Variants in MOBP observed in about 807,000 individuals in gnomAD.
The protein encoded by MOBP is myelin-associated oligodendrocyte basic protein.
A neutral mutation model predicts 15.0 loss-of-function variants in MOBP; 5 were observed. The observed-to-expected ratio is 0.33, with a 90% confidence interval of 0.17 to 0.70. The LOEUF (loss-of-function observed/expected upper bound fraction) is 0.70, where lower values mean the gene tolerates loss of function less well. MOBP is among the 30% of genes least tolerant of loss of function. The pLI is 0.67. For missense variants in MOBP, 188 were observed against 257.8 expected (o/e 0.73, Z 1.85); for synonymous variants, 88 against 99.0 (o/e 0.89, Z 0.66).
intron 2 of MOBP, among the ~76,000 whole-genome samples, chr3:39,487,130 A>T (rs937412479): frequency 1.3e-5 from 2 of 151,342 alleles, no homozygotes; most frequent in African/African-American, 4.9e-5. Flanking sequence ...AAATGTAGGG[A>T]TAGTCTTGCT....
chr3:39,467,888 G>A (rs1255389039), intron 1 of MOBP, 148 bp downstream of exon 1: 2 of 152,210 alleles, frequency 1.3e-5, no homozygotes, highest in Admixed American at 6.5e-5. Flanking sequence ...ATACAAGGAT[G>A]GAGAAAACAA....
At chr3:39,517,231 ACTT>A (rs147190668), downstream of MOBP, among the ~76,000 whole-genome samples, 1,158 of 152,210 alleles carry the variant, frequency 7.6e-3, 5 homozygotes, top group East Asian at 0.035. Context: ...TGATAAAATA[ACTT>A]CTTCTTGTTG....
chr3:39,501,425 A>T (rs1177377146), intron 2 of MOBP, among the ~76,000 whole-genome samples: 2 of 152,208 alleles, frequency 1.3e-5, no homozygotes, highest in African/African-American at 4.8e-5. Flanking sequence ...AGTCTCCAGC[A>T]AGCTCCCCTG....
chr3:39,468,775 TAC>T (rs1452309463), intron 1 of MOBP, among the ~76,000 whole-genome samples: 1 of 115,656 alleles, frequency 8.6e-6, no homozygotes. Context: ...TGTGTATATA[TAC>T]ATATATACAT....
At chr3:39,527,630 T>G (rs572613616), downstream of MOBP, 5 of 152,254 alleles carry the variant, frequency 3.3e-5, no homozygotes, top group African/African-American at 1.2e-4. Flanking sequence ...GCTAATTCTT[T>G]GTATTTTTAG....
chr3:39,516,757 C>T (rs936062763), downstream of MOBP, among the ~76,000 whole-genome samples: 3 of 152,178 alleles, frequency 2.0e-5, no homozygotes, highest in Admixed American at 6.5e-5. Context: ...CAGATCTAAA[C>T]TTGAGGCTCA....
intron 3 of MOBP, among the ~76,000 whole-genome samples, chr3:39,522,707 CTT>C (rs1299661224): frequency 1.3e-5 from 2 of 152,172 alleles, no homozygotes; most frequent in Admixed American, 6.5e-5. Context: ...ATCTCATTCT[CTT>C]TCTTAAGATG....
At chr3:39,518,488 G>T (rs2043228274), downstream of MOBP, among the ~76,000 whole-genome samples, 3 of 152,142 alleles carry the variant, frequency 2.0e-5, no homozygotes, top group Admixed American at 2.0e-4. Flanking sequence ...AAGATGGGAA[G>T]TTATTTACAT....
chr3:39,478,511 T>G (rs919337071), intron 1 of MOBP, among the ~76,000 whole-genome samples: 5 of 152,198 alleles, frequency 3.3e-5, no homozygotes, highest in Non-Finnish European at 4.4e-5. Flanking sequence ...CCCTATTGTC[T>G]GTTATTCTCC....
At chr3:39,525,159 CAAATT>C (rs1258837384), downstream of MOBP, 1 of 151,868 alleles carries the variant, frequency 6.6e-6, no homozygotes, top group Non-Finnish European at 1.5e-5. Flanking sequence ...GAAGAAATAA[CAAATT>C]AAAAGCTATA....
chr3:39,473,340 A>G (rs1281908734), intron 1 of MOBP, among the ~76,000 whole-genome samples: 5 of 152,206 alleles, frequency 3.3e-5, no homozygotes, highest in African/African-American at 1.2e-4. Context: ...GGGAAGGGCC[A>G]CCTGGCCACA....
chr3:39,497,608 T>C (rs981123300), intron 2 of MOBP, among the ~76,000 whole-genome samples: 5 of 152,246 alleles, frequency 3.3e-5, no homozygotes, highest in Non-Finnish European at 7.3e-5. Context: ...CTTAGTCATG[T>C]TCTGTAGATT....
intron 1 of MOBP, among the ~76,000 whole-genome samples, chr3:39,479,180 T>G (rs763298650): frequency 1.1e-4 from 16 of 152,118 alleles, no homozygotes; most frequent in Admixed American, 4.6e-4. Context: ...TTTCAATTAT[T>G]CTGTCAAGCA....
At position 39,502,311 on chromosome 3, in the gene MOBP, C is replaced by G. The variant is rs1193162453; in HGVS notation, c.206+36C>G. On this transcript the variant is annotated intron_variant, in intron 3 of 3. Coordinates refer to ENST00000684792, the MANE Select transcript of MOBP (RefSeq NM_001393704.1). The surrounding 1 kb of genome is among the most constrained non-coding windows in gnomAD (Gnocchi z 6.3). ...GCCCAGCCCCGCGGCACCAGTTGGG[C>G]ACAGCGCGTGGTCTCGGCTCCCAGC... 1 of 1,612,276 alleles carries G rather than the reference C, an allele frequency of 6.2e-7. No homozygotes were observed. The highest frequency in any genetic ancestry group is 1.7e-5 in the Admixed American group (1 of 59,956).
chr3:39,479,393 CTT>C (rs34813360), intron 1 of MOBP, among the ~76,000 whole-genome samples: 30 of 136,256 alleles, frequency 2.2e-4, no homozygotes, highest in African/African-American at 5.0e-4. Flanking sequence ...CTTATAAGAC[CTT>C]TTTTTTTTTT....
At chr3:39,520,679 T>G (rs1259282140), downstream of MOBP, among the ~76,000 whole-genome samples, 3 of 152,178 alleles carry the variant, frequency 2.0e-5, no homozygotes. Context: ...TTCTACCGCT[T>G]CTTGTGTTTT....
chr3:39,518,016 G>A (rs1189138415), downstream of MOBP, among the ~76,000 whole-genome samples: 4 of 152,178 alleles, frequency 2.6e-5, no homozygotes, highest in African/African-American at 9.7e-5. Flanking sequence ...TAGCAAATCA[G>A]TTATCTATCA....
rs58312515 is a variant in MOBP, at chr3:39,488,230, A to G, written c.-5+8107A>G. Among the ~76,000 whole-genome samples, 844 of 152,204 alleles carry G rather than the reference A, an allele frequency of 5.5e-3. 6 individuals carry two copies. The highest frequency in any genetic ancestry group is 0.019 in the African/African-American group (795 of 41,524). ...TCATTTTTATGTCAAATACAGTGCAATTGATTTCTGCCTTTCTCTCTTGTG... is the reference window on the plus strand; with the variant it reads ...TCATTTTTATGTCAAATACAGTGCAGTTGATTTCTGCCTTTCTCTCTTGTG... On this transcript the variant is annotated intron_variant, in intron 2 of 3. Transcript: ENST00000684792.
At position 39,469,162 on chromosome 3, in the gene MOBP, G is replaced by GTATATACATATATACATA. The variant is rs1457783291; in HGVS notation, c.-89+1423_-89+1424insATATACATATATACATAT. Among the ~76,000 whole-genome samples, 55 of 69,836 alleles carry GTATATACATATATACATA rather than the reference G, an allele frequency of 7.9e-4. 13 individuals are homozygous for GTATATACATATATACATA. The highest frequency in any genetic ancestry group is 2.9e-3 in the African/African-American group (14 of 4,766). The allele number at this position is 69,836 out of a possible 152,430, so 45.8% of individuals were successfully genotyped here. ...TATATACATATATACATATGTGTGT[G>GTATATACATATATACATA]TGTATACATATATACATGTGTGTGT... On this transcript the variant is annotated intron_variant, in intron 1 of 3. Coordinates refer to ENST00000684792, the MANE Select transcript of MOBP (RefSeq NM_001393704.1).
Sources: gnomAD v4.1 joint callset for allele counts (sites outside exome capture counted in the v4.1 genomes callset) on GRCh38, gnomAD v4.1.1 for gene constraint, Gnocchi (gnomAD v3.1) non-coding constraint, MANE v1.5 for transcripts, NCBI Gene and HGNC (gene_info 2026-07-23, HGNC 2026-07-21) for gene names.